CACNA2D3: variants seen among roughly 807,000 people sequenced by gnomAD.
CACNA2D3 encodes calcium voltage-gated channel auxiliary subunit alpha2delta 3, also known as voltage-dependent calcium channel subunit alpha-2/delta-3.
A neutral mutation model predicts 160.6 loss-of-function variants in CACNA2D3; 60 were observed. That is an observed-to-expected ratio of 0.37 (90% CI 0.30 to 0.46). The LOEUF (loss-of-function observed/expected upper bound fraction) is 0.46, where lower values mean the gene tolerates loss of function less well. CACNA2D3 is among the 20% of genes least tolerant of loss of function. The pLI is 1.00. For synonymous variants in CACNA2D3, 558 were observed against 492.9 expected, an observed-to-expected ratio of 1.13 and a Z score of -1.75; for missense variants, 1,205 against 1,365.0, an observed-to-expected ratio of 0.88 and a Z score of 1.85.
At chr3:54,570,851 A>G (rs1199677000) in intron 8 of CACNA2D3, among the ~76,000 whole-genome samples, 3 of 152,088 alleles carry the variant, frequency 2.0e-5, no homozygotes, top group Non-Finnish European at 4.4e-5. Flanking sequence ...CCATCTTGTC[A>G]ATGAAAAGAG....
chr3:54,262,434 G>T (rs993815543), intron 2 of CACNA2D3, among the ~76,000 whole-genome samples: 1 of 152,130 alleles, frequency 6.6e-6, no homozygotes, highest in African/African-American at 2.4e-5. Context: ...TCGAAGGCAG[G>T]CATTTATTCC....
intron 5 of CACNA2D3, among the ~76,000 whole-genome samples, chr3:54,514,381 C>T (rs917555040): frequency 1.3e-5 from 2 of 152,178 alleles, no homozygotes; most frequent in Non-Finnish European, 2.9e-5. Flanking sequence ...GAAGTGAATT[C>T]CTCCACTATA....
At chr3:54,804,435 A>G (rs1288228939) in intron 13 of CACNA2D3, among the ~76,000 whole-genome samples, 1 of 152,200 alleles carries the variant, frequency 6.6e-6, no homozygotes, top group Non-Finnish European at 1.5e-5. Flanking sequence ...ACTTTAAACC[A>G]ACAAAGATCA....
intron 33 of CACNA2D3, among the ~76,000 whole-genome samples, chr3:55,008,802 T>C (rs866086399): frequency 1.3e-5 from 2 of 151,944 alleles, no homozygotes; most frequent in Non-Finnish European, 2.9e-5. Context: ...TTTTGTAGTC[T>C]TTACCAGCCA....
intron 11 of CACNA2D3, among the ~76,000 whole-genome samples, chr3:54,737,562 G>A (rs1701559039): frequency 6.6e-6 from 1 of 152,068 alleles, no homozygotes; most frequent in Non-Finnish European, 1.5e-5. Flanking sequence ...CTGAGTAGGG[G>A]GGCAAGTGGA....
At chr3:54,270,752 T>C (rs1323921838) in intron 2 of CACNA2D3, among the ~76,000 whole-genome samples, 1 of 152,230 alleles carries the variant, frequency 6.6e-6, no homozygotes, top group East Asian at 1.9e-4. Flanking sequence ...CTCAGTTCCT[T>C]GCAGCTATAG....
At chr3:54,204,031 A>G (rs13319916) in intron 2 of CACNA2D3, among the ~76,000 whole-genome samples, 74,288 of 151,530 alleles carry the variant, frequency 0.49, 20,840 homozygotes, top group East Asian at 0.8. Flanking sequence ...TATCCAAAAG[A>G]CAGAATAAGG....
chr3:54,631,194 ACT>A (rs1699229832), intron 10 of CACNA2D3, among the ~76,000 whole-genome samples: 1 of 140,716 alleles, frequency 7.1e-6, no homozygotes, highest in Admixed American at 7.3e-5. Context: ...ACAGAGCGAG[ACT>A]CCATCAAACA....
chr3:54,435,334 G>A (rs943094934), intron 4 of CACNA2D3, among the ~76,000 whole-genome samples: 1 of 152,222 alleles, frequency 6.6e-6, no homozygotes, highest in African/African-American at 2.4e-5. Context: ...TCTGGTGTTA[G>A]TGGAGTCCCA....
intron 5 of CACNA2D3, among the ~76,000 whole-genome samples, chr3:54,557,802 T>C (rs1702263393): frequency 6.6e-6 from 1 of 152,178 alleles, no homozygotes; most frequent in South Asian, 2.1e-4. Context: ...TAAAATTACT[T>C]TGTGGTGAAA....
At chr3:54,628,991 G>T (rs960675454) in intron 10 of CACNA2D3, among the ~76,000 whole-genome samples, 1 of 152,106 alleles carries the variant, frequency 6.6e-6, no homozygotes, top group Admixed American at 6.5e-5. Context: ...CCCTGAGAGC[G>T]TAGAGAAATT....
chr3:54,496,582 T>C (rs1452882629), intron 4 of CACNA2D3, among the ~76,000 whole-genome samples: 1 of 152,210 alleles, frequency 6.6e-6, no homozygotes, highest in African/African-American at 2.4e-5. Flanking sequence ...TACTTTTTCC[T>C]GAACCGTGGC....
chr3:54,230,864 A>T (rs766847397), intron 2 of CACNA2D3, among the ~76,000 whole-genome samples: 7 of 152,240 alleles, frequency 4.6e-5, no homozygotes, highest in African/African-American at 1.7e-4. Flanking sequence ...TTGCTGCTTA[A>T]TAGGACAAAA....
chr3:54,735,260 A>G (rs1701473537), intron 11 of CACNA2D3, among the ~76,000 whole-genome samples: 1 of 152,196 alleles, frequency 6.6e-6, no homozygotes, highest in Admixed American at 6.5e-5. Flanking sequence ...CCTTAGGACA[A>G]TAGAGATGGA....
intron 11 of CACNA2D3, among the ~76,000 whole-genome samples, chr3:54,747,122 A>C (rs1248140599): frequency 1.3e-5 from 2 of 152,066 alleles, no homozygotes; most frequent in Non-Finnish European, 2.9e-5. Context: ...GGTCTCACTT[A>C]GACCTCATCT....
chr3:54,269,451 A>T (rs1416554253), intron 2 of CACNA2D3, among the ~76,000 whole-genome samples: 2 of 152,140 alleles, frequency 1.3e-5, no homozygotes, highest in Admixed American at 1.3e-4. Flanking sequence ...AAGAGCACTT[A>T]CTGTGTACTG....
chr3:54,598,895 A>G (rs1219905580), intron 9 of CACNA2D3, among the ~76,000 whole-genome samples: 1 of 152,218 alleles, frequency 6.6e-6, no homozygotes, highest in African/African-American at 2.4e-5. Context: ...CTCCAGAGAC[A>G]TGTTAGCAAA....
At chr3:54,992,791 A>AG (rs1289099557) in intron 31 of CACNA2D3, among the ~76,000 whole-genome samples, 2 of 151,886 alleles carry the variant, frequency 1.3e-5, no homozygotes, top group Non-Finnish European at 2.9e-5. Context: ...AAAAAAAAAA[A>AG]AAAGAAAAAA....
At chr3:54,826,019 C>T (rs189954257) in intron 14 of CACNA2D3, among the ~76,000 whole-genome samples, 4 of 152,154 alleles carry the variant, frequency 2.6e-5, no homozygotes, top group South Asian at 4.1e-4. Context: ...CAATACAAAT[C>T]GAATTTTCTG....
Sources: allele counts gnomAD v4.1 joint callset (sites outside exome capture counted in the v4.1 genomes callset), GRCh38; gene constraint gnomAD v4.1.1; transcripts MANE v1.5; gene names NCBI Gene and HGNC (gene_info 2026-07-23, HGNC 2026-07-21).